The following TNN variants were observed in gnomAD, a reference collection of about 807,000 sequenced individuals.
TNN encodes the protein tenascin N, also known as tenascin-N.
In TNN, 122 loss-of-function variants were observed where a neutral mutation model predicts 134.4. That is an observed-to-expected ratio of 0.91 (90% confidence interval 0.78 to 1.06). The LOEUF (loss-of-function observed/expected upper bound fraction) is 1.06. Among genes scored for constraint, TNN ranks in the 50% least tolerant of loss-of-function variants. TNN has a pLI of 0.00. For synonymous variants in TNN, 710 were observed against 670.3 expected, an observed-to-expected ratio of 1.06 and a Z score of -0.91; for missense variants, 1,739 against 1,699.4, an observed-to-expected ratio of 1.02 and a Z score of -0.41.
chr1:175,073,718 G>A (rs1673971839), intron 1 of TNN, among the ~76,000 whole-genome samples: 1 of 152,202 alleles, frequency 6.6e-6, no homozygotes, highest in South Asian at 2.1e-4. Flanking sequence ...AGAAGGGAGA[G>A]GGCACTTTTA....
At chr1:175,090,611 G>A (rs1435528845) in intron 6 of TNN, among the ~76,000 whole-genome samples, 1 of 152,246 alleles carries the variant, frequency 6.6e-6, no homozygotes, top group African/African-American at 2.4e-5. Flanking sequence ...AGGAGCTTTC[G>A]GATGTTACAG....
intron 1 of TNN, among the ~76,000 whole-genome samples, chr1:175,069,295 A>G (rs747202013): frequency 6.6e-6 from 1 of 152,210 alleles, no homozygotes; most frequent in African/African-American, 2.4e-5. Flanking sequence ...TCAAGGTGAC[A>G]GTGTCAGACA....
intron 1 of TNN, 91 bp downstream of exon 1, chr1:175,068,026 G>A (rs1397092175): frequency 2.1e-5 from 9 of 437,342 alleles, no homozygotes; most frequent in Non-Finnish European, 3.7e-5. Context: ...AGGTGCCTCC[G>A]TTCCCGAGCC....
intron 16 of TNN, among the ~76,000 whole-genome samples, chr1:175,136,451 A>G (rs2269656): frequency 0.89 from 135,800 of 152,312 alleles, 60,740 homozygotes; most frequent in Admixed American, 0.91. Flanking sequence ...AGTAGATGAT[A>G]TTTGTGGTTT....
At chr1:175,115,598 C>T (rs572350355) in intron 9 of TNN, among the ~76,000 whole-genome samples, 1 of 152,094 alleles carries the variant, frequency 6.6e-6, no homozygotes, top group African/African-American at 2.4e-5. Context: ...AGCAGTTTAC[C>T]CTTAGGGATG....
chr1:175,081,423 C>A (rs12759791), intron 4 of TNN, among the ~76,000 whole-genome samples: 83,384 of 152,030 alleles, frequency 0.55, 23,453 homozygotes, highest in African/African-American at 0.69. Context: ...GCACTGTTCT[C>A]GGTGCTAAAA....
At chr1:175,144,782 G>A (rs538331148) in intron 18 of TNN, among the ~76,000 whole-genome samples, 10 of 152,336 alleles carry the variant, frequency 6.6e-5, no homozygotes, top group South Asian at 2.1e-4. Context: ...GGGAAGGTGC[G>A]GGAAAAGCTT....
chr1:175,101,483 G>T (rs566587791), intron 9 of TNN, among the ~76,000 whole-genome samples: 24 of 149,810 alleles, frequency 1.6e-4, no homozygotes, highest in African/African-American at 5.4e-4. Context: ...AAGGGGACCC[G>T]AGAAGGTTGC....
rs545699549 is a variant in TNN, at chr1:175,098,174, G to C, written c.1856-158G>C. ...TTCCTCCTTTGAAGTTCAGAACCAA[G>C]GGCTACTTTCTCCTTAGACTCCCAG... On this transcript the variant is annotated intron_variant, in intron 8 of 18. Transcript: ENST00000239462. Among the ~76,000 whole-genome samples the C allele has an allele frequency of 9.9e-5, 15 of 152,270 alleles. No individual in the cohort carries two copies. The South Asian group carries it at 2.9e-3, about 29-fold the overall frequency.
chr1:175,094,533 A>T (rs1674524547), intron 7 of TNN, among the ~76,000 whole-genome samples: 1 of 152,124 alleles, frequency 6.6e-6, no homozygotes, highest in Admixed American at 6.6e-5. Context: ...CCTAATTTTC[A>T]TTTTTTAGAT....
In TNN at chr1:175,094,189, G is replaced by A. The variant is rs747476291; in HGVS notation, c.1524G>A (p.Lys508=). Residue 508 remains lysine, a synonymous_variant, in exon 7 of 19, where the codon AAG becomes AAA. Coordinates refer to ENST00000239462, the MANE Select transcript of TNN (RefSeq NM_022093.2). Reference sequence around the variant, plus strand: ...GCCTGAAGCCAGGAGAGGCATACAAGGTCTACGTGTGGGCTGAAAGGGGCA... The same window carrying A: ...GCCTGAAGCCAGGAGAGGCATACAAAGTCTACGTGTGGGCTGAAAGGGGCA... ...LTGLKPGEAY[K]VYVWAERGNQ... is the part of the protein sequence containing the mutation. 10 of 1,613,928 alleles carry A rather than the reference G, an allele frequency of 6.2e-6. No individual in the cohort carries two copies. The highest frequency in any genetic ancestry group is 1.7e-5 in the Admixed American group (1 of 60,016).
chr1:175,107,996 G>A (rs1558360528), intron 9 of TNN, among the ~76,000 whole-genome samples: 1 of 146,922 alleles, frequency 6.8e-6, no homozygotes, highest in South Asian at 2.2e-4. Context: ...ACACAGTGTC[G>A]ATTGGTGCAC....
In TNN at chr1:175,121,290, T is replaced by C. The variant is rs74957659; in HGVS notation, c.2651-2110T>C. Among the ~76,000 whole-genome samples the C allele has an allele frequency of 3.7e-3, 567 of 152,234 alleles. 4 individuals carry two copies. Among genetic ancestry groups the C allele is most frequent in the African/African-American group, 0.012 (491 of 41,522 alleles). On this transcript the variant is annotated intron_variant, in intron 11 of 18. Coordinates refer to ENST00000239462, the MANE Select transcript of TNN (RefSeq NM_022093.2). ...AATGGATTTTGGCAAAAACTAGCCATTTCTGGCAAACGGAAGAGTATGTGT... is the reference window on the plus strand; with the variant it reads ...AATGGATTTTGGCAAAAACTAGCCACTTCTGGCAAACGGAAGAGTATGTGT...
At chr1:175,094,842 A>C (rs1057172219) in intron 7 of TNN, among the ~76,000 whole-genome samples, 3 of 152,208 alleles carry the variant, frequency 2.0e-5, no homozygotes, top group Non-Finnish European at 2.9e-5. Flanking sequence ...GCTTCTCTGA[A>C]TTTAGAGCAG....
At chr1:175,092,982 T>C (rs1674488539) in intron 6 of TNN, among the ~76,000 whole-genome samples, 1 of 152,224 alleles carries the variant, frequency 6.6e-6, no homozygotes, top group Non-Finnish European at 1.5e-5. Context: ...CCTTCACTCT[T>C]GGTTCACTAG....
intron 9 of TNN, among the ~76,000 whole-genome samples, chr1:175,103,958 G>C (rs1403341050): frequency 1.4e-5 from 2 of 145,642 alleles, no homozygotes; most frequent in East Asian, 2.3e-4. Context: ...CCAGACTTCA[G>C]TGTTGATTCC....
chr1:175,091,024 C>T (rs1047578716), intron 6 of TNN, among the ~76,000 whole-genome samples: 1 of 152,206 alleles, frequency 6.6e-6, no homozygotes, highest in East Asian at 1.9e-4. Flanking sequence ...TGCTGAAAGG[C>T]TTCCTTGCAT....
chr1:175,083,036 T>C (rs1451185791), intron 4 of TNN, among the ~76,000 whole-genome samples: 2 of 152,118 alleles, frequency 1.3e-5, no homozygotes, highest in African/African-American at 4.8e-5. Flanking sequence ...AATACTTTAC[T>C]ATGAATAAAT....
Position 175,118,603 on chromosome 1 carries a change from A to C in TNN, c.2429A>C (p.Glu810Ala). 1 of 1,614,136 alleles carries C rather than the reference A, an allele frequency of 6.2e-7. No individual in the cohort carries two copies. The highest frequency in any genetic ancestry group is 8.5e-7 in the Non-Finnish European group (1 of 1,180,014). ...PQNLVTDWVTENTATVSWDPV... is the reference protein window; with the variant it reads ...PQNLVTDWVTANTATVSWDPV... Reference sequence around the variant, plus strand: ...AACCTGGTCACTGACTGGGTGACAGAGAATACAGCCACTGTCTCCTGGGAC... The same window carrying C: ...AACCTGGTCACTGACTGGGTGACAGCGAATACAGCCACTGTCTCCTGGGAC... Residue 810 changes from glutamate (E) to alanine (A), a missense_variant, in exon 11 of 19, where the codon GAG becomes GCG. Glu to Ala is a moderately radical substitution (Grantham distance 107). Coordinates refer to ENST00000239462, the MANE Select transcript of TNN (RefSeq NM_022093.2).
Sources: allele counts gnomAD v4.1 joint callset (sites outside exome capture counted in the v4.1 genomes callset), GRCh38; gene constraint gnomAD v4.1.1; transcripts MANE v1.5; gene names NCBI Gene and HGNC (gene_info 2026-07-23, HGNC 2026-07-21).